ATRN: variants seen among roughly 807,000 people sequenced by gnomAD.
ATRN encodes the protein attractin, also known as attractin-2.
In ATRN, 54 loss-of-function variants were observed where a neutral mutation model predicts 178.7. The ratio of observed to expected loss-of-function variants is 0.30; its 90% CI spans 0.24 to 0.38. ATRN has a LOEUF of 0.38. Among genes scored for constraint, ATRN ranks in the 10% least tolerant of loss-of-function variants. ATRN has a pLI of 1.00. For missense variants in ATRN, 1,443 were observed against 1,815.1 expected (o/e 0.79, Z 3.73); for synonymous variants, 636 against 663.0 (o/e 0.96, Z 0.63).
chr20:3,633,634 G>A (rs563875402), intron 25 of ATRN, among the ~76,000 whole-genome samples: 3 of 152,170 alleles, frequency 2.0e-5, no homozygotes, highest in South Asian at 4.2e-4. Flanking sequence ...CCTTTTAACC[G>A]CAAGTCAGCT....
At chr20:3,571,856 T>C (rs1354176258) in intron 11 of ATRN, among the ~76,000 whole-genome samples, 1 of 152,184 alleles carries the variant, frequency 6.6e-6, no homozygotes, top group Non-Finnish European at 1.5e-5. Flanking sequence ...TCAATCTTCT[T>C]TTCCCCTACC....
At chr20:3,577,088 A>AG in intron 14 of ATRN, 91 bp downstream of exon 14, 1 of 1,491,254 alleles carries the variant, frequency 6.7e-7, no homozygotes, top group Non-Finnish European at 9.0e-7. Context: ...AACCTAGCAG[A>AG]GGGGAAGAGC....
In ATRN at chr20:3,632,233, CCAT is replaced by C. The variant is rs1178078524; in HGVS notation, c.3864-2073_3864-2071del. Among the ~76,000 whole-genome samples the C allele has an allele frequency of 1.1e-4, 16 of 152,304 alleles. No homozygotes were observed. Among genetic ancestry groups the C allele is most frequent in the African/African-American group, 3.8e-4 (16 of 41,560 alleles). On this transcript the variant is annotated intron_variant, in intron 25 of 28. Transcript: ENST00000262919. This position sits in a 1 kb window ranked among gnomAD's most constrained non-coding sequence, Gnocchi z 4.2. ...GCTTCCACAGCTCTGGTTTGAGCCACCATCATCTCACCTAGACTGCTGGTCTCC... is the reference window on the plus strand; with the variant it reads ...GCTTCCACAGCTCTGGTTTGAGCCACCATCTCACCTAGACTGCTGGTCTCC...
In ATRN at chr20:3,565,523, T is replaced by C. The variant is rs1005672537; in HGVS notation, c.1871+91T>C. ...TGGCTCACGCCTGTAATTCTGGCAC[T>C]TTGGGAGGCCGAGGCGGGTGGAATA... On this transcript the variant is annotated intron_variant, in intron 11 of 28. Transcript: ENST00000262919. The C allele has an allele frequency of 4.6e-6, 5 of 1,092,146 alleles. No homozygotes were observed. The African/African-American group carries it at 6.2e-5, about 14-fold the overall frequency. 67.7% of individuals were successfully genotyped at this position (1,092,146 alleles called of 1,614,324 possible).
rs142446831 is a variant in ATRN at position 3,480,384 on chromosome 20, C to T, written c.410+8867C>T. On this transcript the variant is annotated intron_variant, in intron 1 of 28. Coordinates refer to ENST00000262919, the MANE Select transcript of ATRN (RefSeq NM_139321.3). ...AATGCCTAGAACTGTTAAGAGTTAGCGTTGCTGCTGTAAGGAATTCACCTC... is the reference window on the plus strand; with the variant it reads ...AATGCCTAGAACTGTTAAGAGTTAGTGTTGCTGCTGTAAGGAATTCACCTC... 2.6e-3 allele frequency among the ~76,000 whole-genome samples: 400 copies of T among 152,276 alleles called. 1 individual carries two copies. Among genetic ancestry groups the T allele is most frequent in the South Asian group, 4.6e-3 (22 of 4,822 alleles).
chr20:3,597,493 C>A (rs2086547444), intron 21 of ATRN, among the ~76,000 whole-genome samples: 1 of 152,180 alleles, frequency 6.6e-6, no homozygotes, highest in African/African-American at 2.4e-5. Context: ...GAATCCAACG[C>A]TAATGCCATG....
Position 3,631,683 on chromosome 20 carries a change from A to G in ATRN, c.3864-2628A>G, listed in dbSNP as rs555964755. ...CCCTGAGGCATAGAGGGAAGCAGGCACAGACTGTATTACGGGTGGACCCAA... is the reference window on the plus strand; with the variant it reads ...CCCTGAGGCATAGAGGGAAGCAGGCGCAGACTGTATTACGGGTGGACCCAA... On this transcript the variant is annotated intron_variant, in intron 25 of 28. Transcript: ENST00000262919. Among the ~76,000 whole-genome samples the G allele has an allele frequency of 6.6e-5, 10 of 152,300 alleles. No individual in the cohort carries two copies. The South Asian group carries it at 2.1e-3, about 32-fold the overall frequency.
At chr20:3,542,413 G>A (rs1346350342) in intron 3 of ATRN, among the ~76,000 whole-genome samples, 2 of 152,082 alleles carry the variant, frequency 1.3e-5, no homozygotes, top group Non-Finnish European at 2.9e-5. Flanking sequence ...CAGTGGTAGC[G>A]GTGGTAGAGC....
intron 26 of ATRN, among the ~76,000 whole-genome samples, chr20:3,637,769 ACT>A (rs376138509): frequency 3.9e-5 from 6 of 152,264 alleles, no homozygotes; most frequent in African/African-American, 1.4e-4. Flanking sequence ...ATGCCCAGAG[ACT>A]TCAAACACCT....
intron 14 of ATRN, 146 bp downstream of exon 14, chr20:3,577,143 T>A: frequency 1.0e-6 from 1 of 995,170 alleles, no homozygotes; most frequent in Non-Finnish European, 1.4e-6. Context: ...TGGGCTTTTT[T>A]GTTTTTAACT....
intron 25 of ATRN, among the ~76,000 whole-genome samples, chr20:3,625,020 A>G (rs184822669): frequency 2.0e-5 from 3 of 152,302 alleles, no homozygotes; most frequent in East Asian, 3.9e-4. Flanking sequence ...TTTTATTTCC[A>G]TAGTTTTTTT....
intron 1 of ATRN, among the ~76,000 whole-genome samples, chr20:3,505,820 G>A (rs1382748838): frequency 6.6e-6 from 1 of 152,154 alleles, no homozygotes; most frequent in Non-Finnish European, 1.5e-5. Flanking sequence ...AGCAGAAATG[G>A]CTGTATTAAT....
Position 3,471,081 on chromosome 20 carries a change from G to C in ATRN, c.-27G>C. On this transcript the variant is annotated 5_prime_UTR_variant, in exon 1 of 29. Coordinates refer to ENST00000262919, the MANE Select transcript of ATRN (RefSeq NM_139321.3). ...CCGTGCGGTGTGTGTGTATGTGTTC[G>C]CGGGGCGCCGTCTCAGCCCCGGGAA... 2.0e-6 allele frequency: 3 copies of C among 1,505,896 alleles called. No individual in the cohort carries two copies. Among genetic ancestry groups the C allele is most frequent in the Non-Finnish European group, 2.6e-6 (3 of 1,133,980 alleles). The allele number at this position is 1,505,896 out of a possible 1,614,324, so 93.3% of individuals were successfully genotyped here.
At position 3,646,887 on chromosome 20, in the gene ATRN, TG is replaced by T; in HGVS notation, c.*42del. 1 of 1,609,968 alleles carries T rather than the reference TG, an allele frequency of 6.2e-7. No homozygotes were observed. ...ACTCTCCCACGCACGAGCTAGTGAG[TG>T]GCACACCAGAGCCATCTGCAGGGAA... On this transcript the variant is annotated 3_prime_UTR_variant, in exon 29 of 29. Transcript: ENST00000262919.
At chr20:3,497,392 G>T (rs1253621016) in intron 1 of ATRN, among the ~76,000 whole-genome samples, 3 of 152,046 alleles carry the variant, frequency 2.0e-5, no homozygotes, top group African/African-American at 7.2e-5. Context: ...GCTTGTCTGT[G>T]AAGGATTTTA....
intron 14 of ATRN, 57 bp downstream of exon 14, chr20:3,577,054 C>G: frequency 1.3e-6 from 2 of 1,592,844 alleles, no homozygotes; most frequent in African/African-American, 1.3e-5. Flanking sequence ...GCCTGCTTCC[C>G]CCAACACTGT....
chr20:3,552,044 A>G (rs1429415239), intron 6 of ATRN, among the ~76,000 whole-genome samples: 1 of 152,216 alleles, frequency 6.6e-6, no homozygotes, highest in Admixed American at 6.5e-5. Flanking sequence ...AACATTTGAT[A>G]CAGTTATCCT....
chr20:3,628,128 C>T (rs192156147), intron 25 of ATRN, among the ~76,000 whole-genome samples: 57 of 152,232 alleles, frequency 3.7e-4, no homozygotes, highest in African/African-American at 1.1e-3. Flanking sequence ...GCCGAGATCG[C>T]GCCACTGCAC....
intron 1 of ATRN, among the ~76,000 whole-genome samples, chr20:3,479,265 A>G (rs749400890): frequency 6.6e-6 from 1 of 152,218 alleles, no homozygotes; most frequent in Non-Finnish European, 1.5e-5. Flanking sequence ...TGTGTTAGGT[A>G]CTGTGCCCTT....
Sources: allele counts gnomAD v4.1 joint callset (sites outside exome capture counted in the v4.1 genomes callset), GRCh38; gene constraint gnomAD v4.1.1; non-coding constraint Gnocchi (gnomAD v3.1); transcripts MANE v1.5; gene names NCBI Gene and HGNC (gene_info 2026-07-23, HGNC 2026-07-21).